The following UNC5C variants were observed in gnomAD, a reference collection of about 807,000 sequenced individuals.
The protein encoded by UNC5C is netrin receptor UNC5C.
UNC5C carries 47 observed loss-of-function variants against 99.8 expected under a neutral mutation model. That is an observed-to-expected ratio of 0.47 (90% CI 0.37 to 0.60). UNC5C has a LOEUF of 0.60. Among genes scored for constraint, UNC5C ranks in the 20% least tolerant of loss-of-function variants. UNC5C has a pLI of 0.00. For missense variants in UNC5C, 1,062 were observed against 1,165.9 expected (o/e 0.91, Z 1.30); for synonymous variants, 487 against 452.2 (o/e 1.08, Z -0.98).
intron 7 of UNC5C, among the ~76,000 whole-genome samples, chr4:95,238,771 A>G (rs1196340310): frequency 6.6e-6 from 1 of 152,066 alleles, no homozygotes; most frequent in African/African-American, 2.4e-5. Context: ...GAAGTTTCAT[A>G]AGATCTACAT....
intron 1 of UNC5C, among the ~76,000 whole-genome samples, chr4:95,528,502 A>G (rs1264701050): frequency 6.6e-6 from 1 of 152,216 alleles, no homozygotes; most frequent in East Asian, 1.9e-4. Context: ...CAAGTTTTAA[A>G]AGACGTAAAA....
At chr4:95,499,690 C>T (rs539400638) in intron 1 of UNC5C, among the ~76,000 whole-genome samples, 12 of 152,156 alleles carry the variant, frequency 7.9e-5, no homozygotes, top group Admixed American at 7.9e-4. Flanking sequence ...CTTCAGTCTT[C>T]CAGGGAGACC....
chr4:95,324,747 C>A (rs1322588471), intron 2 of UNC5C, among the ~76,000 whole-genome samples: 2 of 152,138 alleles, frequency 1.3e-5, no homozygotes, highest in African/African-American at 4.8e-5. Flanking sequence ...AAGAGAGGCA[C>A]CCTTTGCCCC....
At chr4:95,192,111 C>T (rs1737141477) in intron 12 of UNC5C, among the ~76,000 whole-genome samples, 1 of 133,032 alleles carries the variant, frequency 7.5e-6, no homozygotes, top group Non-Finnish European at 1.6e-5. Flanking sequence ...CTCACTTCCT[C>T]CCCTCCTCCC....
chr4:95,448,200 C>CTGTG (rs1190287531), intron 1 of UNC5C, among the ~76,000 whole-genome samples: 34 of 116,046 alleles, frequency 2.9e-4, no homozygotes, highest in East Asian at 5.4e-4. Context: ...GTGTGTGTCT[C>CTGTG]TGTGTGTGTG....
intron 1 of UNC5C, among the ~76,000 whole-genome samples, chr4:95,499,277 T>A: frequency 6.6e-6 from 1 of 152,074 alleles, no homozygotes; most frequent in East Asian, 1.9e-4. Flanking sequence ...CTGGTCACTG[T>A]CCCATCAGGA....
chr4:95,201,882 G>A (rs539578631), intron 12 of UNC5C, among the ~76,000 whole-genome samples: 169 of 152,280 alleles, frequency 1.1e-3, no homozygotes, highest in Non-Finnish European at 1.9e-3. Context: ...AGGATTACAG[G>A]CGTGAGCCAC....
At chr4:95,418,805 T>C (rs930008621) in intron 1 of UNC5C, among the ~76,000 whole-genome samples, 2 of 152,200 alleles carry the variant, frequency 1.3e-5, no homozygotes, top group Admixed American at 6.5e-5. Flanking sequence ...GAGAAGTCCC[T>C]GTTCTTCATC....
At chr4:95,443,597 C>G (rs1169541971) in intron 1 of UNC5C, among the ~76,000 whole-genome samples, 1 of 152,216 alleles carries the variant, frequency 6.6e-6, no homozygotes, top group East Asian at 1.9e-4. Flanking sequence ...ATTTGGAACT[C>G]ACTGAAAATT....
intron 2 of UNC5C, among the ~76,000 whole-genome samples, chr4:95,310,098 G>A (rs990542809): frequency 6.6e-6 from 1 of 152,036 alleles, no homozygotes; most frequent in African/African-American, 2.4e-5. Flanking sequence ...AGGGGAAAAC[G>A]TTCAACCTTA....
At chr4:95,341,950 G>A (rs1743595512) in intron 1 of UNC5C, among the ~76,000 whole-genome samples, 1 of 152,140 alleles carries the variant, frequency 6.6e-6, no homozygotes, top group Non-Finnish European at 1.5e-5. Context: ...GGGGCCCACA[G>A]AGGGAGCATT....
intron 2 of UNC5C, among the ~76,000 whole-genome samples, chr4:95,314,588 T>C (rs1362659643): frequency 1.3e-5 from 2 of 152,184 alleles, no homozygotes; most frequent in Non-Finnish European, 2.9e-5. Flanking sequence ...CTGACTAATT[T>C]TGGACAGAAT....
intron 1 of UNC5C, among the ~76,000 whole-genome samples, chr4:95,402,665 T>A (rs951701624): frequency 1.3e-5 from 2 of 152,204 alleles, no homozygotes; most frequent in African/African-American, 2.4e-5. Context: ...TATCACTATA[T>A]AAATATGCTA....
chr4:95,497,839 G>T (rs191517932), intron 1 of UNC5C, among the ~76,000 whole-genome samples: 1 of 151,888 alleles, frequency 6.6e-6, no homozygotes, highest in Admixed American at 6.6e-5. Flanking sequence ...TAAAAAATAC[G>T]CATTTTATTG....
chr4:95,419,515 A>G (rs372118593), intron 1 of UNC5C, among the ~76,000 whole-genome samples: 1 of 152,160 alleles, frequency 6.6e-6, no homozygotes, highest in Non-Finnish European at 1.5e-5. Flanking sequence ...GTTCCCTCCA[A>G]CTTCAGAGAG....
rs1048753358 is a variant in UNC5C, at chr4:95,219,978, A to G, written c.1300+7T>C. ...GTAACAGGGTGTGAAGTGGAATGTCAACTGACCTTGTCTTGCTGCCTTGAT... is the reference window on the plus strand; with the variant it reads ...GTAACAGGGTGTGAAGTGGAATGTCGACTGACCTTGTCTTGCTGCCTTGAT... On this transcript the variant is annotated splice_region_variant and intron_variant, in intron 8 of 15. Coordinates refer to ENST00000453304, the MANE Select transcript of UNC5C (RefSeq NM_003728.4). 1 of 1,612,572 alleles carries G rather than the reference A, an allele frequency of 6.2e-7. No individual in the cohort carries two copies. The highest frequency in any genetic ancestry group is 1.3e-5 in the African/African-American group (1 of 75,004).
intron 4 of UNC5C, among the ~76,000 whole-genome samples, chr4:95,261,616 G>C (rs1458054541): frequency 6.6e-6 from 1 of 152,022 alleles, no homozygotes; most frequent in East Asian, 1.9e-4. Context: ...CTGGATTCAA[G>C]TATCCAGCAC....
chr4:95,491,621 C>T (rs1415213304), intron 1 of UNC5C, among the ~76,000 whole-genome samples: 1 of 151,546 alleles, frequency 6.6e-6, no homozygotes, highest in South Asian at 2.1e-4. Context: ...GTTACAAATG[C>T]TAGTAATTAC....
At chr4:95,319,173 C>T (rs565332828) in intron 2 of UNC5C, among the ~76,000 whole-genome samples, 1 of 152,296 alleles carries the variant, frequency 6.6e-6, no homozygotes, top group South Asian at 2.1e-4. Flanking sequence ...CCTGGTTGTA[C>T]ATTAGCATTA....
Sources: gnomAD v4.1 joint callset for allele counts (sites outside exome capture counted in the v4.1 genomes callset) on GRCh38, gnomAD v4.1.1 for gene constraint, MANE v1.5 for transcripts, NCBI Gene and HGNC (gene_info 2026-07-23, HGNC 2026-07-21) for gene names.